Variants in SH3KBP1 observed in about 807,000 individuals in gnomAD.
SH3KBP1 encodes the protein SH3 domain-containing kinase-binding protein 1.
SH3KBP1 carries 8 observed loss-of-function variants against 50.1 expected under a neutral mutation model. The observed-to-expected ratio is 0.16, with a 90% CI of 0.09 to 0.29. SH3KBP1 has a LOEUF of 0.29. SH3KBP1 is among the 10% of genes least tolerant of loss of function. The pLI, the probability that SH3KBP1 is intolerant of heterozygous loss-of-function variation, is 1.00. For missense variants in SH3KBP1, 377 were observed against 535.2 expected (o/e 0.70, Z 2.92); for synonymous variants, 227 against 218.6 (o/e 1.04, Z -0.34).
chrX:19,674,919 A>C (rs1164936196), intron 6 of SH3KBP1, among the ~76,000 whole-genome samples: 1 of 109,993 alleles, frequency 9.1e-6, no homozygotes, highest in Non-Finnish European at 1.9e-5. Context: ...TCTCTACTAA[A>C]AATACAAAAA....
chrX:19,739,431 A>T (rs2064703971), intron 3 of SH3KBP1, among the ~76,000 whole-genome samples: 1 of 112,040 alleles, frequency 8.9e-6, no homozygotes, highest in African/African-American at 3.2e-5. Flanking sequence ...GGTTCAACAA[A>T]AAGTGAAGAA....
intron 2 of SH3KBP1, among the ~76,000 whole-genome samples, chrX:19,771,202 C>G (rs1158502325): frequency 8.9e-6 from 1 of 112,172 alleles, no homozygotes; most frequent in Non-Finnish European, 1.9e-5. Context: ...CTTATAAGGA[C>G]TTATCTAGGG....
At chrX:19,611,765 C>T (rs1258143997) in intron 8 of SH3KBP1, among the ~76,000 whole-genome samples, 1 of 110,552 alleles carries the variant, frequency 9.0e-6, no homozygotes, top group Non-Finnish European at 1.9e-5. Context: ...CATCTATATT[C>T]TGCTTCTTAA....
chrX:19,818,949 C>T (rs944329070), intron 2 of SH3KBP1, among the ~76,000 whole-genome samples: 6 of 111,784 alleles, frequency 5.4e-5, no homozygotes, highest in Non-Finnish European at 7.5e-5. Flanking sequence ...GACACATTCC[C>T]TCCTCTTCTA....
chrX:19,627,513 A>G (rs1249486410), intron 8 of SH3KBP1, among the ~76,000 whole-genome samples: 2 of 112,731 alleles, frequency 1.8e-5, no homozygotes, highest in Non-Finnish European at 3.7e-5. Flanking sequence ...AAAGCTAAAC[A>G]CAGGTGTGTT....
chrX:19,659,536 G>A (rs2062398821), intron 6 of SH3KBP1, among the ~76,000 whole-genome samples: 1 of 111,663 alleles, frequency 9.0e-6, no homozygotes, highest in African/African-American at 3.3e-5. Flanking sequence ...CCAAAGTGCT[G>A]GGATTACAGG....
At chrX:19,570,060 C>T (rs756147483) in intron 12 of SH3KBP1, among the ~76,000 whole-genome samples, 1 of 112,266 alleles carries the variant, frequency 8.9e-6, no homozygotes, top group South Asian at 3.7e-4. Flanking sequence ...CGAAGGCCAC[C>T]ATGGCCTGAA....
intron 2 of SH3KBP1, among the ~76,000 whole-genome samples, chrX:19,829,648 A>T (rs1281203608): frequency 9.4e-6 from 1 of 106,667 alleles, no homozygotes; most frequent in Non-Finnish European, 1.9e-5. Flanking sequence ...CGGGAGGCTG[A>T]AGCAAGAGAA....
At chrX:19,753,694 G>A (rs1420898772) in intron 2 of SH3KBP1, among the ~76,000 whole-genome samples, 2 of 111,538 alleles carry the variant, frequency 1.8e-5, no homozygotes, top group Non-Finnish European at 3.8e-5. Context: ...TTAAGATTCT[G>A]TTTCTTTAAA....
intron 6 of SH3KBP1, among the ~76,000 whole-genome samples, chrX:19,646,148 A>G (rs2061983186): frequency 8.9e-6 from 1 of 112,386 alleles, no homozygotes; most frequent in South Asian, 3.7e-4. Context: ...CCAAGGGCTT[A>G]GAAAAAATCC....
At chrX:19,547,089 G>A (rs754491072) in intron 14 of SH3KBP1, among the ~76,000 whole-genome samples, 1 of 109,515 alleles carries the variant, frequency 9.1e-6, no homozygotes, top group African/African-American at 3.3e-5. Flanking sequence ...GAGGTCGAGG[G>A]TGCAGTGAGC....
chrX:19,885,824 T>C (rs930781373), intron 1 of SH3KBP1, among the ~76,000 whole-genome samples: 1 of 110,188 alleles, frequency 9.1e-6, no homozygotes, highest in Non-Finnish European at 1.9e-5. Flanking sequence ...AAAACAAGAG[T>C]GAGCTAAGTG....
chrX:19,590,746 G>A, intron 11 of SH3KBP1, among the ~76,000 whole-genome samples: 1 of 103,885 alleles, frequency 9.6e-6, no homozygotes. Context: ...AGACTCAAGC[G>A]ATCCTTCCAC....
chrX:19,586,230 C>T (rs2066562632), intron 12 of SH3KBP1, among the ~76,000 whole-genome samples: 1 of 112,017 alleles, frequency 8.9e-6, no homozygotes, highest in Non-Finnish European at 1.9e-5. Flanking sequence ...TGTACCTATC[C>T]TATAACCAGA....
chrX:19,544,912 C>G (rs1295726811), intron 15 of SH3KBP1, among the ~76,000 whole-genome samples: 1 of 111,627 alleles, frequency 9.0e-6, no homozygotes, highest in African/African-American at 3.3e-5. Context: ...TAGAGACACC[C>G]CAGGGATGTC....
intron 2 of SH3KBP1, among the ~76,000 whole-genome samples, chrX:19,808,589 T>C (rs2067120022): frequency 9.0e-6 from 1 of 111,270 alleles, no homozygotes; most frequent in Non-Finnish European, 1.9e-5. Context: ...TGCAAAGGGA[T>C]AGGACCCCCT....
intron 12 of SH3KBP1, among the ~76,000 whole-genome samples, chrX:19,584,608 C>T (rs773776543): frequency 9.9e-5 from 11 of 110,926 alleles, no homozygotes; most frequent in African/African-American, 3.0e-4. Context: ...GCTGGGATTA[C>T]AGACAGGAGC....
intron 16 of SH3KBP1, among the ~76,000 whole-genome samples, chrX:19,539,983 G>A (rs781293916): frequency 9.0e-6 from 1 of 111,372 alleles, no homozygotes; most frequent in African/African-American, 3.3e-5. Context: ...GATGTTGCAG[G>A]CACCTCTCAT....
chrX:19,848,836 T>C (rs1310672798), intron 1 of SH3KBP1, among the ~76,000 whole-genome samples: 1 of 111,576 alleles, frequency 9.0e-6, no homozygotes, highest in Non-Finnish European at 1.9e-5. Context: ...TGCAGTGCCA[T>C]TGTCATGGCT....
Sources: gnomAD v4.1 joint callset for allele counts (sites outside exome capture counted in the v4.1 genomes callset) on GRCh38, gnomAD v4.1.1 for gene constraint, MANE v1.5 for transcripts, NCBI Gene and HGNC (gene_info 2026-07-23, HGNC 2026-07-21) for gene names.